The following ZNF830 variants were observed in gnomAD, a reference collection of about 807,000 sequenced individuals.
The protein encoded by ZNF830 is coiled-coil domain containing 16.
In ZNF830, 15 loss-of-function variants were observed where a neutral mutation model predicts 28.1. The observed-to-expected ratio is 0.53, with a 90% CI of 0.36 to 0.82. The LOEUF (loss-of-function observed/expected upper bound fraction) is 0.82. Among genes scored for constraint, ZNF830 ranks in the 40% least tolerant of loss-of-function variants. The pLI, the probability that ZNF830 is intolerant of heterozygous loss-of-function variation, is 0.01. For synonymous variants in ZNF830, 208 were observed against 185.3 expected (o/e 1.12, Z -0.99); for missense variants, 456 against 467.7 (o/e 0.97, Z 0.23).
rs558485297 is a variant in ZNF830 at position 34,962,980 on chromosome 17, C to G, written c.*295C>G. On this transcript the variant is annotated 3_prime_UTR_variant, in exon 1 of 1. Transcript: ENST00000361952. ...AAATCTGTAAGTTGTAAATATTGTA[C>G]ATAGTTAAATCTGTATTCTGTTTTG... The G allele has an allele frequency of 3.5e-6, 1 of 289,224 alleles. No homozygotes were observed. Among genetic ancestry groups the G allele is most frequent in the Non-Finnish European group, 6.6e-6 (1 of 151,002 alleles). 17.9% of individuals were successfully genotyped at this position (289,224 alleles called of 1,614,324 possible). A position where few individuals can be genotyped will look rare whatever the true frequency, so the allele number is the denominator to read the frequency against.
rs2090435098 is a variant in ZNF830 at position 34,962,817 on chromosome 17, A to G, written c.*132A>G. The G allele has an allele frequency of 1.4e-6, 2 of 1,428,680 alleles. No individual in the cohort carries two copies. The highest frequency in any genetic ancestry group is 1.8e-6 in the Non-Finnish European group (2 of 1,086,420). The allele number at this position is 1,428,680 out of a possible 1,614,324, so 88.5% of individuals were successfully genotyped here. ...TGCTAAACTGGATTGTTGAGATAAA[A>G]TGAGCCAGTGAGCTACAGCACTTTG... On this transcript the variant is annotated 3_prime_UTR_variant, in exon 1 of 1. Coordinates refer to ENST00000361952, the MANE Select transcript of ZNF830 (RefSeq NM_052857.4).
chr17:34,963,247 A>G lies in ZNF830; in HGVS notation c.*562A>G, dbSNP rs988699203. On this transcript the variant is annotated 3_prime_UTR_variant, in exon 1 of 1. Coordinates refer to ENST00000361952, the MANE Select transcript of ZNF830 (RefSeq NM_052857.4). The stretch of plus-strand genomic sequence containing the variant: ...AGAAAACTATATGCCAAACATGACC[A>G]AACCAATGATGGTCAGATGTGGTTG... 6.2e-6 allele frequency: 1 copy of G among 161,456 alleles called. No homozygotes were observed. The highest frequency in any genetic ancestry group is 1.5e-5 in the Non-Finnish European group (1 of 68,168). 10.0% of individuals were successfully genotyped at this position (161,456 alleles called of 1,614,324 possible).
rs2090436147 is a variant in ZNF830 at position 34,962,941 on chromosome 17, A to G, written c.*256A>G. 3 of 397,374 alleles carry G rather than the reference A, an allele frequency of 7.5e-6. No individual in the cohort carries two copies. The highest frequency in any genetic ancestry group is 2.1e-5 in the African/African-American group (1 of 47,798). The allele number at this position is 397,374 out of a possible 1,614,324, so 24.6% of individuals were successfully genotyped here. ...ACATTTCCACGACAGACTTAACTGTATAATTTCGTTGTAAAATCTGTAAGT... is the reference window on the plus strand; with the variant it reads ...ACATTTCCACGACAGACTTAACTGTGTAATTTCGTTGTAAAATCTGTAAGT... On this transcript the variant is annotated 3_prime_UTR_variant, in exon 1 of 1. Transcript: ENST00000361952.
At position 34,961,856 on chromosome 17, in the gene ZNF830, C is replaced by T. The variant is rs1336177217; in HGVS notation, c.290C>T (p.Ala97Val). Residue 97 changes from alanine (A) to valine (V), a missense_variant, in exon 1 of 1, where the codon GCG (alanine) becomes GTG (valine). By Grantham distance (64) the Ala-to-Val change is moderately conservative. Around this residue, in one of 2 missense-constraint regions of ZNF830, gnomAD observed 331 missense variants for 290.1 expected, o/e 1.14. Transcript: ENST00000361952. Reference protein sequence around the residue: ...EASQGSSASSAPHSVKRKAPD... With the variant: ...EASQGSSASSVPHSVKRKAPD... Reference sequence around the variant, plus strand: ...AGCCAGGGTTCGTCCGCCAGTTCAGCGCCTCATTCCGTCAAGAGGAAAGCG... The same window carrying T: ...AGCCAGGGTTCGTCCGCCAGTTCAGTGCCTCATTCCGTCAAGAGGAAAGCG... 1.9e-6 allele frequency: 3 copies of T among 1,613,974 alleles called. No homozygotes were observed. In the South Asian group the frequency reaches 3.3e-5, roughly 18 times the overall value.
rs2090426226 is a variant in ZNF830, at chr17:34,961,967, A to G, written c.401A>G (p.Asn134Ser). ...CCCTCCACATCTGCGTGGACCACCA[A>G]CTTTGACAAAATAGGAAAGGAGTTC... ...VQPSTSAWTT[N>S]FDKIGKEFIR... The change falls in exon 1 of 1, where the codon AAC (asparagine) becomes AGC (serine). Residue 134 changes from asparagine to serine, a missense_variant. Physicochemically the swap from Asn to Ser is conservative, Grantham distance 46. Transcript: ENST00000361952. 1 of 1,614,056 alleles carries G rather than the reference A, an allele frequency of 6.2e-7. No homozygotes were observed.
At position 34,961,867 on chromosome 17, in the gene ZNF830, G is replaced by C; in HGVS notation, c.301G>C (p.Val101Leu). 1 of 1,614,090 alleles carries C rather than the reference G, an allele frequency of 6.2e-7. No individual in the cohort carries two copies. The highest frequency in any genetic ancestry group is 8.5e-7 in the Non-Finnish European group (1 of 1,180,016). Reference sequence around the variant, plus strand: ...GTCCGCCAGTTCAGCGCCTCATTCCGTCAAGAGGAAAGCGCCGGACGCAGA... The same window carrying C: ...GTCCGCCAGTTCAGCGCCTCATTCCCTCAAGAGGAAAGCGCCGGACGCAGA... The part of the protein sequence containing the change: ...GSSASSAPHS[V>L]KRKAPDADDQ... The change falls in exon 1 of 1, where the codon GTC becomes CTC. Residue 101 changes from valine (V) to leucine (L), a missense_variant. By Grantham distance (32) the Val-to-Leu change is conservative. Coordinates refer to ENST00000361952, the MANE Select transcript of ZNF830 (RefSeq NM_052857.4).
Position 34,962,415 on chromosome 17 carries a change from G to A in ZNF830, c.849G>A (p.Gln283=), listed in dbSNP as rs2090431570. Residue 283 remains glutamine (Q), a synonymous_variant, in exon 1 of 1, where the codon CAG becomes CAA. Transcript: ENST00000361952. ...EWDEFQKAMR[Q]VNTISEAIVA... The stretch of plus-strand genomic sequence containing the variant: ...ACGAATTCCAAAAAGCCATGAGGCA[G>A]GTCAACACTATTTCCGAAGCCATAG... The A allele has an allele frequency of 6.2e-7, 1 of 1,614,060 alleles. No homozygotes were observed. Among genetic ancestry groups the A allele is most frequent in the African/African-American group, 1.3e-5 (1 of 74,916 alleles).
chr17:34,963,277 T>G lies in ZNF830; in HGVS notation c.*592T>G, dbSNP rs1390402602. 1 of 157,974 alleles carries G rather than the reference T, an allele frequency of 6.3e-6. No homozygotes were observed. The highest frequency in any genetic ancestry group is 1.5e-5 in the Non-Finnish European group (1 of 68,104). 9.8% of individuals were successfully genotyped at this position (157,974 alleles called of 1,614,324 possible). A position where few individuals can be genotyped will look rare whatever the true frequency, so the allele number is the denominator to read the frequency against. Reference sequence around the variant, plus strand: ...AATGATGGTCAGATGTGGTTGCACATGAGAGTCACCTATGAAGCATTAAAA... The same window carrying G: ...AATGATGGTCAGATGTGGTTGCACAGGAGAGTCACCTATGAAGCATTAAAA... On this transcript the variant is annotated 3_prime_UTR_variant, in exon 1 of 1. Coordinates refer to ENST00000361952, the MANE Select transcript of ZNF830 (RefSeq NM_052857.4).
chr17:34,963,746 T>C lies in ZNF830; in HGVS notation c.*1061T>C, dbSNP rs1388329474. On this transcript the variant is annotated 3_prime_UTR_variant, in exon 1 of 1. Coordinates refer to ENST00000361952, the MANE Select transcript of ZNF830 (RefSeq NM_052857.4). The stretch of plus-strand genomic sequence containing the variant: ...TTCTGGAGTTGAAATGCATACAGCA[T>C]ATTCAAATAAAAGTGAGCAATAATA... The C allele has an allele frequency of 6.6e-6, 1 of 152,242 alleles. No homozygotes were observed. Among genetic ancestry groups the C allele is most frequent in the African/African-American group, 2.4e-5 (1 of 41,458 alleles). The allele number at this position is 152,242 out of a possible 1,614,324, so 9.4% of individuals were successfully genotyped here. A position where few individuals can be genotyped will look rare whatever the true frequency, so the allele number is the denominator to read the frequency against.
Position 34,962,918 on chromosome 17 carries a change from A to T in ZNF830, c.*233A>T, listed in dbSNP as rs8249. 276,578 of 498,300 alleles carry T rather than the reference A, an allele frequency of 0.56. 79,817 individuals are homozygous for T. Among genetic ancestry groups the T allele is most frequent in the East Asian group, 0.79 (19,493 of 24,814 alleles). The allele number at this position is 498,300 out of a possible 1,614,324, so 30.9% of individuals were successfully genotyped here. ...AAGTGTTATATACCAAAATGCCAAC[A>T]TTTCCACGACAGACTTAACTGTATA... is the stretch of plus-strand genomic sequence containing the variant. On this transcript the variant is annotated 3_prime_UTR_variant, in exon 1 of 1. Transcript: ENST00000361952.
rs1555551991 is a variant in ZNF830, at chr17:34,963,764, C to A, written c.*1079C>A. On this transcript the variant is annotated 3_prime_UTR_variant, in exon 1 of 1. Coordinates refer to ENST00000361952, the MANE Select transcript of ZNF830 (RefSeq NM_052857.4). The stretch of plus-strand genomic sequence containing the variant: ...TACAGCATATTCAAATAAAAGTGAG[C>A]AATAATAATAATAGCTAAGACCTAT... The A allele has an allele frequency of 6.6e-6, 1 of 152,090 alleles. No homozygotes were observed. Among genetic ancestry groups the A allele is most frequent in the Non-Finnish European group, 1.5e-5 (1 of 68,028 alleles). 9.4% of individuals were successfully genotyped at this position (152,090 alleles called of 1,614,324 possible).
At position 34,962,269 on chromosome 17, in the gene ZNF830, G is replaced by C. The variant is rs1409168484; in HGVS notation, c.703G>C (p.Val235Leu). 2 of 1,613,974 alleles carry C rather than the reference G, an allele frequency of 1.2e-6. No individual in the cohort carries two copies. Among genetic ancestry groups the C allele is most frequent in the East Asian group, 2.2e-5 (1 of 44,888 alleles). Residue 235 changes from valine to leucine, a missense_variant, in exon 1 of 1, where the codon GTG becomes CTG. By Grantham distance (32) the Val-to-Leu change is conservative. Around this residue, in one of 2 missense-constraint regions of ZNF830, gnomAD observed 125 missense variants for 177.7 expected, o/e 0.70. Coordinates refer to ENST00000361952, the MANE Select transcript of ZNF830 (RefSeq NM_052857.4). ...TGAGAAAGCAGAAATACATGAAAAAGTGGTGGAAAGGAGAGAAAACACCGC... is the reference window on the plus strand; with the variant it reads ...TGAGAAAGCAGAAATACATGAAAAACTGGTGGAAAGGAGAGAAAACACCGC... ...SIEKAEIHEK[V>L]VERRENTAEA...
rs771837679 is a variant in ZNF830 at position 34,962,042 on chromosome 17, A to G, written c.476A>G (p.Tyr159Cys). ...TCAGGACTCAGTTTACTCCCCGATT[A>G]TGAAGATGAGGAGGAGGAGGAAGAG... ...KPSGLSLLPD[Y>C]EDEEEEEEEE... Residue 159 changes from tyrosine (Y) to cysteine (C), a missense_variant, in exon 1 of 1, where the codon TAT becomes TGT. Tyr to Cys is a radical substitution (Grantham distance 194, BLOSUM62 -2). Around this residue, in one of 2 missense-constraint regions of ZNF830, gnomAD observed 331 missense variants for 290.1 expected, o/e 1.14. Coordinates refer to ENST00000361952, the MANE Select transcript of ZNF830 (RefSeq NM_052857.4). The G allele has an allele frequency of 7.4e-6, 12 of 1,614,024 alleles. No individual in the cohort carries two copies. Among genetic ancestry groups the G allele is most frequent in the Non-Finnish European group, 1.0e-5 (12 of 1,180,014 alleles).
Position 34,961,795 on chromosome 17 carries a change from G to A in ZNF830, c.229G>A (p.Glu77Lys). The A allele has an allele frequency of 1.2e-6, 2 of 1,614,012 alleles. No homozygotes were observed. Among genetic ancestry groups the A allele is most frequent in the Non-Finnish European group, 1.7e-6 (2 of 1,180,020 alleles). The change falls in exon 1 of 1, where the codon GAG (glutamate) becomes AAG (lysine). Residue 77 changes from glutamate (E) to lysine (K), a missense_variant. By Grantham distance (56) the Glu-to-Lys change is moderately conservative. This residue lies in a region of ZNF830 where 331 missense variants were observed against 290.1 expected (regional missense o/e 1.14). Transcript: ENST00000361952. ...TCACGTCCTGGGAAAGCAGCACCGAGAGAAAGTGGCCGAGCTGAAAGGCGC... is the reference window on the plus strand; with the variant it reads ...TCACGTCCTGGGAAAGCAGCACCGAAAGAAAGTGGCCGAGCTGAAAGGCGC... ...QTHVLGKQHREKVAELKGAKE... is the reference protein window; with the variant it reads ...QTHVLGKQHRKKVAELKGAKE...
Position 34,962,092 on chromosome 17 carries a change from A to T in ZNF830, c.526A>T (p.Lys176Ter). 6.2e-7 allele frequency: 1 copy of T among 1,614,138 alleles called. No homozygotes were observed. The highest frequency in any genetic ancestry group is 8.5e-7 in the Non-Finnish European group (1 of 1,180,010). Residue 176 changes from lysine (K) to a stop codon, truncating the protein, a stop_gained, in exon 1 of 1, where the codon AAA becomes TAA. Transcript: ENST00000361952. LOFTEE classifies it high-confidence loss of function. The stretch of plus-strand genomic sequence containing the variant: ...GGAGGAGGAAGGAGATGGAGAAAGA[A>T]AAAGGGGGGACGCCAGCAAGCCGCT... The part of the protein sequence containing the change: ...EEEEEGDGER[K>*]RGDASKPLSD...
In ZNF830 at chr17:34,962,199, T is replaced by C. The variant is rs142738683; in HGVS notation, c.633T>C (p.Ser211=). 7.4e-5 allele frequency: 120 copies of C among 1,613,936 alleles called. No homozygotes were observed. The highest frequency in any genetic ancestry group is 6.5e-5 in the Non-Finnish European group (77 of 1,180,052). The part of the protein sequence containing the change: ...TSSVLPNDFF[S]TNPPKAPIIP... ...GTGTGCTGCCAAACGATTTCTTTAG[T>C]ACTAATCCTCCCAAGGCCCCCATAA... Residue 211 remains serine, a synonymous_variant, in exon 1 of 1, where the codon AGT becomes AGC. Coordinates refer to ENST00000361952, the MANE Select transcript of ZNF830 (RefSeq NM_052857.4).
At position 34,963,473 on chromosome 17, in the gene ZNF830, C is replaced by T. The variant is rs754570662; in HGVS notation, c.*788C>T. On this transcript the variant is annotated 3_prime_UTR_variant, in exon 1 of 1. Coordinates refer to ENST00000361952, the MANE Select transcript of ZNF830 (RefSeq NM_052857.4). ...GTTTTTTCTTTTTCTTTAAATAACA[C>T]ATTCCATAAATTTGCTGTTTCTTGA... 3 of 152,190 alleles carry T rather than the reference C, an allele frequency of 2.0e-5. No homozygotes were observed. Among genetic ancestry groups the T allele is most frequent in the Non-Finnish European group, 4.4e-5 (3 of 68,038 alleles). 9.4% of individuals were successfully genotyped at this position (152,190 alleles called of 1,614,324 possible). A position where few individuals can be genotyped will look rare whatever the true frequency, so the allele number is the denominator to read the frequency against.
Position 34,962,749 on chromosome 17 carries a change from A to C in ZNF830, c.*64A>C. 6.6e-7 allele frequency: 1 copy of C among 1,512,714 alleles called. No individual in the cohort carries two copies. Among genetic ancestry groups the C allele is most frequent in the Non-Finnish European group, 8.8e-7 (1 of 1,135,988 alleles). 93.7% of individuals were successfully genotyped at this position (1,512,714 alleles called of 1,614,324 possible). ...TGTATAAAAAGTGCTGTCTCTCAGT[A>C]GTATAGCGGTTACTTCATGCCTCAA... is the stretch of plus-strand genomic sequence containing the variant. On this transcript the variant is annotated 3_prime_UTR_variant, in exon 1 of 1. Coordinates refer to ENST00000361952, the MANE Select transcript of ZNF830 (RefSeq NM_052857.4).
rs772110518 is a variant in ZNF830 at position 34,961,621 on chromosome 17, G to A, written c.55G>A (p.Glu19Lys). Residue 19 changes from glutamate to lysine, a missense_variant, in exon 1 of 1, where the codon GAA (glutamate) becomes AAA (lysine). By Grantham distance (56) the Glu-to-Lys change is moderately conservative. Coordinates refer to ENST00000361952, the MANE Select transcript of ZNF830 (RefSeq NM_052857.4). ...TPAGKRVINQEELRRLMKEKQ... is the reference protein window; with the variant it reads ...TPAGKRVINQKELRRLMKEKQ... ...GGCAGGGAAGCGAGTGATAAATCAGGAAGAATTGCGGCGGTTAATGAAGGA... is the reference window on the plus strand; with the variant it reads ...GGCAGGGAAGCGAGTGATAAATCAGAAAGAATTGCGGCGGTTAATGAAGGA... The A allele has an allele frequency of 3.6e-5, 58 of 1,614,110 alleles. No homozygotes were observed. The highest frequency in any genetic ancestry group is 4.8e-5 in the Non-Finnish European group (57 of 1,180,052).
Sources: allele counts gnomAD v4.1 joint callset, GRCh38; gene constraint gnomAD v4.1.1; regional missense constraint gnomAD v4.1.1; transcripts MANE v1.5; gene names NCBI Gene and HGNC (gene_info 2026-07-23, HGNC 2026-07-21).